The following PHACTR4 variants were observed in gnomAD, a reference collection of about 807,000 sequenced individuals.
PHACTR4 encodes protein phosphatase 1, regulatory subunit 124.
A neutral mutation model predicts 72.7 loss-of-function variants in PHACTR4; 51 were observed. The observed-to-expected ratio is 0.70, with a 90% CI of 0.56 to 0.89. PHACTR4 has a LOEUF of 0.89. Ranked by LOEUF, PHACTR4 falls within the 40% of genes least tolerant of loss-of-function variation. The pLI is 0.00. For missense variants in PHACTR4, 731 were observed against 861.8 expected (o/e 0.85, Z 1.90); for synonymous variants, 255 against 302.5 (o/e 0.84, Z 1.63).
At chr1:28,440,394 CT>C (rs1223295576) in intron 2 of PHACTR4, among the ~76,000 whole-genome samples, 35 of 83,268 alleles carry the variant, frequency 4.2e-4, no homozygotes, top group Non-Finnish European at 5.4e-4. Flanking sequence ...TTCATCAATT[CT>C]TTTTTTTTTT....
chr1:28,370,121 C>G (rs535541527), intron 1 of PHACTR4, among the ~76,000 whole-genome samples: 4 of 152,174 alleles, frequency 2.6e-5, no homozygotes, highest in East Asian at 1.9e-4. Context: ...CGTTGCTCCC[C>G]CTTTGTGTCC....
At chr1:28,385,890 C>T (rs1161978040) in intron 1 of PHACTR4, among the ~76,000 whole-genome samples, 1 of 152,092 alleles carries the variant, frequency 6.6e-6, no homozygotes. Context: ...GCTGGGATTA[C>T]AGACGTAAGC....
chr1:28,498,583 A>C lies in PHACTR4; in HGVS notation c.*2034A>C, dbSNP rs1661494851. 6.6e-6 allele frequency: 1 copy of C among 152,194 alleles called. No homozygotes were observed. Among genetic ancestry groups the C allele is most frequent in the Admixed American group, 6.6e-5 (1 of 15,264 alleles). 9.4% of individuals were successfully genotyped at this position (152,194 alleles called of 1,614,324 possible). A position where few individuals can be genotyped will look rare whatever the true frequency, so the allele number is the denominator to read the frequency against. On this transcript the variant is annotated 3_prime_UTR_variant, in exon 14 of 14. Coordinates refer to ENST00000373839, the MANE Select transcript of PHACTR4 (RefSeq NM_001048183.3). ...ATCCACACTATAAATGGAAGAAAAAAATTAATAGCTTCTGTTTAATCTGAT... is the reference window on the plus strand; with the variant it reads ...ATCCACACTATAAATGGAAGAAAAACATTAATAGCTTCTGTTTAATCTGAT...
chr1:28,420,178 G>C (rs910331525), intron 2 of PHACTR4, among the ~76,000 whole-genome samples: 3 of 152,216 alleles, frequency 2.0e-5, no homozygotes, highest in African/African-American at 7.2e-5. Flanking sequence ...GTGCCTGGGA[G>C]ATTGAGGCTG....
intron 2 of PHACTR4, among the ~76,000 whole-genome samples, chr1:28,426,613 G>A (rs1230993306): frequency 1.3e-5 from 2 of 151,674 alleles, no homozygotes; most frequent in African/African-American, 2.4e-5. Flanking sequence ...GCAGTGAGCC[G>A]AGATTGCACC....
chr1:28,448,761 CAAAAAAAAAAA>C (rs777343479), intron 2 of PHACTR4, among the ~76,000 whole-genome samples: 1 of 20,352 alleles, frequency 4.9e-5, no homozygotes, highest in Non-Finnish European at 8.5e-5. Flanking sequence ...GACTCCATCT[CAAAAAAAAAAA>C]AAAAAAAAAA....
chr1:28,378,519 G>GT (rs912921520), intron 1 of PHACTR4, among the ~76,000 whole-genome samples: 15 of 141,668 alleles, frequency 1.1e-4, no homozygotes, highest in East Asian at 8.3e-4. Flanking sequence ...AAAGAAAAAA[G>GT]TTTTTTTTTT....
At chr1:28,400,066 T>C (rs1385475691) in intron 1 of PHACTR4, among the ~76,000 whole-genome samples, 1 of 152,142 alleles carries the variant, frequency 6.6e-6, no homozygotes, top group Non-Finnish European at 1.5e-5. Context: ...TAGGATCTTA[T>C]AGGCCGTGGT....
intron 2 of PHACTR4, among the ~76,000 whole-genome samples, chr1:28,428,675 G>T (rs1459438837): frequency 6.6e-6 from 1 of 152,188 alleles, no homozygotes; most frequent in Non-Finnish European, 1.5e-5. Context: ...ATAAAAGCAT[G>T]ACAGAACCTC....
chr1:28,428,941 A>G (rs1255916742), intron 2 of PHACTR4, among the ~76,000 whole-genome samples: 5 of 152,218 alleles, frequency 3.3e-5, no homozygotes, highest in Non-Finnish European at 7.3e-5. Flanking sequence ...TAAATGGGAA[A>G]GCTGAGATTT....
chr1:28,387,552 A>G (rs1269277826), intron 1 of PHACTR4, among the ~76,000 whole-genome samples: 1 of 151,978 alleles, frequency 6.6e-6, no homozygotes, highest in Non-Finnish European at 1.5e-5. Context: ...CAGGGTGAGC[A>G]TTATGATTCA....
intron 2 of PHACTR4, among the ~76,000 whole-genome samples, chr1:28,411,649 ATAAT>A (rs1654797570): frequency 1.3e-5 from 2 of 152,186 alleles, no homozygotes. Flanking sequence ...AAGTTAGCTA[ATAAT>A]TAAGTAGAAA....
In PHACTR4 at chr1:28,461,269, A is replaced by G. The variant is rs139540408; in HGVS notation, c.271+977A>G. 7.2e-5 allele frequency among the ~76,000 whole-genome samples: 11 copies of G among 152,036 alleles called. No homozygotes were observed. In the East Asian group the frequency reaches 2.2e-3, roughly 30 times the overall value. ...AGCCTGGCCAAAATGGTGAAACCCC[A>G]TCTCTACTAAAAATACAAAAAATTA... On this transcript the variant is annotated intron_variant, in intron 4 of 13. Coordinates refer to ENST00000373839, the MANE Select transcript of PHACTR4 (RefSeq NM_001048183.3).
At chr1:28,392,342 T>G (rs1248207109) in intron 1 of PHACTR4, among the ~76,000 whole-genome samples, 1 of 151,970 alleles carries the variant, frequency 6.6e-6, no homozygotes. Context: ...TACTTAATAA[T>G]GGCCCCAAAG....
chr1:28,417,057 C>G (rs1311973403), intron 2 of PHACTR4, among the ~76,000 whole-genome samples: 1 of 149,236 alleles, frequency 6.7e-6, no homozygotes, highest in East Asian at 2.0e-4. Context: ...CTTTTTTTTG[C>G]TGTTCCCCCC....
In PHACTR4 at chr1:28,369,780, G is replaced by T. The variant is rs1454215449; in HGVS notation, c.-84G>T. 4.4e-6 allele frequency: 2 copies of T among 454,122 alleles called. No homozygotes were observed. The highest frequency in any genetic ancestry group is 8.8e-6 in the Non-Finnish European group (2 of 227,826). 28.1% of individuals were successfully genotyped at this position (454,122 alleles called of 1,614,324 possible). ...GGCCAACGGGCCAGGTAGGATTTCC[G>T]GGAGAGGCTGCTGTGGAGGCTGAGG... is the stretch of plus-strand genomic sequence containing the variant. On this transcript the variant is annotated 5_prime_UTR_variant, in exon 1 of 14. Transcript: ENST00000373839.
At chr1:28,475,287 TC>T (rs1276593133) in intron 7 of PHACTR4, among the ~76,000 whole-genome samples, 2 of 151,942 alleles carry the variant, frequency 1.3e-5, no homozygotes, top group Admixed American at 6.6e-5. Context: ...TTTTTTTTTT[TC>T]ATGGAGATTT....
chr1:28,391,672 C>T (rs1304036100), intron 1 of PHACTR4, among the ~76,000 whole-genome samples: 1 of 129,528 alleles, frequency 7.7e-6, no homozygotes, highest in East Asian at 2.5e-4. Context: ...ATGGCATGAT[C>T]TTGGCTCACT....
intron 2 of PHACTR4, among the ~76,000 whole-genome samples, chr1:28,443,345 G>A (rs1410600024): frequency 6.6e-6 from 1 of 151,568 alleles, no homozygotes; most frequent in Admixed American, 6.6e-5. Flanking sequence ...GCAGTGGCGC[G>A]ATCTCGGCTC....
Sources: gnomAD v4.1 joint callset for allele counts (sites outside exome capture counted in the v4.1 genomes callset) on GRCh38, gnomAD v4.1.1 for gene constraint, MANE v1.5 for transcripts, NCBI Gene and HGNC (gene_info 2026-07-23, HGNC 2026-07-21) for gene names.